The following ALLC variants were observed in gnomAD, a reference collection of about 807,000 sequenced individuals.
ALLC encodes the protein allantoicase.
A neutral mutation model predicts 45.0 loss-of-function variants in ALLC; 40 were observed. The ratio of observed to expected loss-of-function variants is 0.89; its 90% confidence interval spans 0.69 to 1.16. ALLC has a LOEUF of 1.16. Among genes scored for constraint, ALLC ranks in the 50% most tolerant of loss-of-function variants. The pLI is 0.00. For missense variants in ALLC, 488 were observed against 493.1 expected (o/e 0.99, Z 0.10); for synonymous variants, 176 against 178.1 (o/e 0.99, Z 0.09).
At chr2:3,651,244 T>C in the ALLC span, among the ~76,000 whole-genome samples, 1 of 139,916 alleles carries the variant, frequency 7.1e-6, no homozygotes, top group Admixed American at 7.4e-5. Context: ...CGCGGGGAGG[T>C]TTGCAGAGCC....
At chr2:3,649,580 T>C in the ALLC span, among the ~76,000 whole-genome samples, 2 of 152,222 alleles carry the variant, frequency 1.3e-5, no homozygotes, top group East Asian at 1.9e-4. Flanking sequence ...GTAAATGTGG[T>C]TTACACATAC....
the ALLC span, among the ~76,000 whole-genome samples, chr2:3,652,588 T>A: frequency 9.3e-6 from 1 of 107,964 alleles, no homozygotes; most frequent in Non-Finnish European, 1.9e-5. Flanking sequence ...TGATTTTTTT[T>A]TTTTTTTTTT....
At chr2:3,657,272 G>A (rs111419411), upstream of ALLC, among the ~76,000 whole-genome samples, 3,509 of 152,280 alleles carry the variant, frequency 0.023, 144 homozygotes, top group African/African-American at 0.081. Flanking sequence ...GTGGCCTTGA[G>A]CCGGCCTTTC....
chr2:3,690,277 TC>T (rs1558545688), intron 7 of ALLC, among the ~76,000 whole-genome samples: 1 of 538 alleles, frequency 1.9e-3, no homozygotes, highest in Non-Finnish European at 3.3e-3. Context: ...CCCCCTCCCC[TC>T]CCCCTCCCCC....
In ALLC at chr2:3,699,026, T is replaced by G. The variant is rs13409993; in HGVS notation, c.850+1570T>G. Reference sequence around the variant, plus strand: ...TGGAAAGACGGCATTTTATCTGTTTTTTCTTTTAACTATTATTTTAGGTTC... The same window carrying G: ...TGGAAAGACGGCATTTTATCTGTTTGTTCTTTTAACTATTATTTTAGGTTC... On this transcript the variant is annotated intron_variant, in intron 10 of 11. Coordinates refer to ENST00000252505, the MANE Select transcript of ALLC (RefSeq NM_018436.4). 8.7e-3 allele frequency among the ~76,000 whole-genome samples: 1,332 copies of G among 152,308 alleles called. 20 individuals are homozygous for G. Among genetic ancestry groups the G allele is most frequent in the African/African-American group, 0.029 (1,210 of 41,562 alleles).
intron 1 of ALLC, among the ~76,000 whole-genome samples, chr2:3,667,489 A>T (rs1215877100): frequency 6.6e-6 from 1 of 152,214 alleles, no homozygotes; most frequent in African/African-American, 2.4e-5. Context: ...ACGTTTGGAT[A>T]CATCGCGGTT....
At chr2:3,696,039 A>T (rs182487603) in intron 8 of ALLC, among the ~76,000 whole-genome samples, 167 bp downstream of exon 8, 2 of 152,358 alleles carry the variant, frequency 1.3e-5, no homozygotes, top group Admixed American at 1.3e-4. Flanking sequence ...ACATGAAATA[A>T]GTCAACATTA....
rs549355487 is a variant in ALLC at position 3,685,150 on chromosome 2, A to G, written c.511+2076A>G. On this transcript the variant is annotated intron_variant, in intron 7 of 11. Coordinates refer to ENST00000252505, the MANE Select transcript of ALLC (RefSeq NM_018436.4). ...TTTTGAGGAGTTTTCATAGTTTTCCATAGTGAGTGTACTAATTTACATTCT... is the reference window on the plus strand; with the variant it reads ...TTTTGAGGAGTTTTCATAGTTTTCCGTAGTGAGTGTACTAATTTACATTCT... Among the ~76,000 whole-genome samples the G allele has an allele frequency of 2.6e-5, 4 of 152,300 alleles. No homozygotes were observed. The South Asian group carries it at 6.2e-4, about 24-fold the overall frequency.
chr2:3,654,186 C>A (rs1040950738), upstream of ALLC, among the ~76,000 whole-genome samples: 1 of 152,228 alleles, frequency 6.6e-6, no homozygotes, highest in Non-Finnish European at 1.5e-5. Flanking sequence ...AGGGCTGCTG[C>A]ATGACCCTAT....
intron 7 of ALLC, among the ~76,000 whole-genome samples, chr2:3,691,726 C>G (rs891370488): frequency 3.3e-5 from 5 of 152,198 alleles, no homozygotes; most frequent in African/African-American, 1.2e-4. Context: ...TCTTGCTCAA[C>G]TCCCTCCTCA....
At chr2:3,649,017 A>T in the ALLC span, among the ~76,000 whole-genome samples, 1 of 152,204 alleles carries the variant, frequency 6.6e-6, no homozygotes, top group Non-Finnish European at 1.5e-5. Context: ...GGTGCCAGGC[A>T]GTGGTGAACA....
chr2:3,678,426 A>C, intron 3 of ALLC, 42 bp from the exon 4 acceptor site: 1 of 1,529,616 alleles, frequency 6.5e-7, no homozygotes. Context: ...CCAGGAGATC[A>C]CATGAATGTT....
At chr2:3,678,615 C>A in intron 4 of ALLC, 60 bp downstream of exon 4, 3 of 1,432,948 alleles carry the variant, frequency 2.1e-6, no homozygotes, top group Non-Finnish European at 2.9e-6. Flanking sequence ...AAAACGCAGG[C>A]TGTGGCAAAG....
chr2:3,700,080 A>G lies in ALLC; in HGVS notation c.851-1432A>G, dbSNP rs981306769. Among the ~76,000 whole-genome samples, 19 of 152,236 alleles carry G rather than the reference A, an allele frequency of 1.2e-4. 1 individual carries two copies. In the East Asian group the frequency reaches 3.3e-3, roughly 26 times the overall value. On this transcript the variant is annotated intron_variant, in intron 10 of 11. Coordinates refer to ENST00000252505, the MANE Select transcript of ALLC (RefSeq NM_018436.4). ...CATCATGAAATCTTTGCCAGTTCCTATGTCCAGAATGGTATTTCCTAAGTT... is the reference window on the plus strand; with the variant it reads ...CATCATGAAATCTTTGCCAGTTCCTGTGTCCAGAATGGTATTTCCTAAGTT...
chr2:3,676,014 C>T (rs1351780870), intron 3 of ALLC, among the ~76,000 whole-genome samples: 1 of 152,222 alleles, frequency 6.6e-6, no homozygotes, highest in Non-Finnish European at 1.5e-5. Context: ...TCTCCTGCCT[C>T]CTCCCACATG....
chr2:3,685,016 G>A (rs1424670002), intron 7 of ALLC, among the ~76,000 whole-genome samples: 2 of 152,200 alleles, frequency 1.3e-5, no homozygotes, highest in Non-Finnish European at 2.9e-5. Flanking sequence ...CAGTGTCACA[G>A]TAAACTTGGA....
At chr2:3,681,174 T>C (rs1462380554) in intron 5 of ALLC, among the ~76,000 whole-genome samples, 1 of 152,176 alleles carries the variant, frequency 6.6e-6, no homozygotes, top group Non-Finnish European at 1.5e-5. Flanking sequence ...CAAGAGATGC[T>C]ACTCTAAAAG....
In ALLC at chr2:3,678,519, A is replaced by ATGGATGGC; in HGVS notation, c.140_147dup (p.Glu50MetfsTer81). On this transcript the variant is annotated frameshift_variant, in exon 4 of 12. Transcript: ENST00000252505. LOFTEE classifies it high-confidence loss of function. ...TGAATATACGGAGTTTGGGAAATGG[A>ATGGATGGC]TGGATGGCTGGGAGACCAGGAGGAA... The ATGGATGGC allele has an allele frequency of 6.2e-7, 1 of 1,614,040 alleles. No individual in the cohort carries two copies. The highest frequency in any genetic ancestry group is 8.5e-7 in the Non-Finnish European group (1 of 1,179,890).
At chr2:3,692,643 A>T (rs940738081) in intron 7 of ALLC, among the ~76,000 whole-genome samples, 9 of 152,178 alleles carry the variant, frequency 5.9e-5, no homozygotes, top group African/African-American at 2.2e-4. Flanking sequence ...CCCAGGGAGC[A>T]TATTCTAGTG....
Sources: allele counts gnomAD v4.1 joint callset (sites outside exome capture counted in the v4.1 genomes callset), GRCh38; gene constraint gnomAD v4.1.1; transcripts MANE v1.5; gene names NCBI Gene and HGNC (gene_info 2026-07-23, HGNC 2026-07-21).